Variants in PCDH15 observed in about 807,000 individuals in gnomAD.
PCDH15 encodes protocadherin related 15.
Under a neutral mutation model 178.5 loss-of-function variants are expected in PCDH15, and 129 were observed. The ratio of observed to expected loss-of-function variants is 0.72; its 90% confidence interval spans 0.63 to 0.84. PCDH15 has a LOEUF of 0.84. PCDH15 is among the 40% of genes least tolerant of loss of function. The pLI, the probability that PCDH15 is intolerant of heterozygous loss-of-function variation, is 0.00. For missense variants in PCDH15, 2,230 were observed against 2,099.9 expected, an observed-to-expected ratio of 1.06 and a Z score of -1.21; for synonymous variants, 800 against 732.0, an observed-to-expected ratio of 1.09 and a Z score of -1.50.
Position 54,837,535 on chromosome 10 carries a change from T to TA in PCDH15, c.-29+59914dup, listed in dbSNP as rs148584412. On this transcript the variant is annotated intron_variant, in intron 3 of 5. Transcript: ENST00000458638. The stretch of plus-strand genomic sequence containing the variant: ...TAATTGTTGTAAACTGTTACTTTTT[T>TA]AAAAAAATAAAGTGATTTATAAAAT... 3.7e-3 allele frequency among the ~76,000 whole-genome samples: 564 copies of TA among 152,262 alleles called. 1 individual carries two copies. The highest frequency in any genetic ancestry group is 0.013 in the African/African-American group (535 of 41,558).
chr10:55,161,105 T>C (rs1839053120), intron 2 of PCDH15, among the ~76,000 whole-genome samples: 1 of 152,122 alleles, frequency 6.6e-6, no homozygotes, highest in South Asian at 2.1e-4. Flanking sequence ...GAAGAGTATG[T>C]GATTCACTTT....
intron 2 of PCDH15, among the ~76,000 whole-genome samples, chr10:54,577,842 CTAAATAAATGAATAAA>C (rs771505019): frequency 0.14 from 20,834 of 144,730 alleles, 1,662 homozygotes; most frequent in Non-Finnish European, 0.17. Flanking sequence ...CTGTTTAAGC[CTAAATAAATGAATAAA>C]TAAATAAATA....
At chr10:53,921,118 A>G (rs1394744405) in intron 25 of PCDH15, among the ~76,000 whole-genome samples, 2 of 152,160 alleles carry the variant, frequency 1.3e-5, no homozygotes, top group African/African-American at 4.8e-5. Context: ...AGTTCTTGCA[A>G]TATGTCATTA....
At chr10:55,583,626 GT>G in intron 2 of PCDH15, among the ~76,000 whole-genome samples, 1 of 152,136 alleles carries the variant, frequency 6.6e-6, no homozygotes, top group African/African-American at 2.4e-5. Flanking sequence ...TAGAGACAGA[GT>G]TTTGCCATGT....
chr10:55,449,846 G>C (rs1246016616), intron 2 of PCDH15, among the ~76,000 whole-genome samples: 3 of 151,946 alleles, frequency 2.0e-5, no homozygotes, highest in African/African-American at 7.3e-5. Flanking sequence ...GACAGTAAGT[G>C]TTCAGTTGTG....
At chr10:54,227,626 G>C (rs1202107049) in intron 9 of PCDH15, among the ~76,000 whole-genome samples, 1 of 152,174 alleles carries the variant, frequency 6.6e-6, no homozygotes. Flanking sequence ...TCTGCAGCCA[G>C]CTTGAATTTC....
intron 1 of PCDH15, among the ~76,000 whole-genome samples, chr10:54,741,737 T>C (rs1944835571): frequency 6.6e-6 from 1 of 152,008 alleles, no homozygotes; most frequent in African/African-American, 2.4e-5. Flanking sequence ...CTTCTATCTT[T>C]AAAACCAGCA....
chr10:54,317,792 A>AAATT (rs2061370891), intron 7 of PCDH15, among the ~76,000 whole-genome samples: 1 of 152,064 alleles, frequency 6.6e-6, no homozygotes, highest in African/African-American at 2.4e-5. Context: ...AACAAAAAAG[A>AAATT]AATTAGGCAC....
intron 1 of PCDH15, among the ~76,000 whole-genome samples, chr10:55,316,775 T>A (rs1309020302): frequency 6.6e-6 from 1 of 152,202 alleles, no homozygotes; most frequent in African/African-American, 2.4e-5. Flanking sequence ...TTCATAATGT[T>A]ATTTTGAAAT....
At chr10:55,129,392 T>A (rs1837985895) in intron 2 of PCDH15, among the ~76,000 whole-genome samples, 1 of 152,110 alleles carries the variant, frequency 6.6e-6, no homozygotes, top group African/African-American at 2.4e-5. Context: ...GCTGAGAACT[T>A]TCTATGGCAA....
At chr10:54,415,963 T>C (rs753252555) in intron 3 of PCDH15, among the ~76,000 whole-genome samples, 2 of 151,866 alleles carry the variant, frequency 1.3e-5, no homozygotes, top group Non-Finnish European at 2.9e-5. Context: ...TTTTAAAAAA[T>C]CGACTTTTTT....
intron 2 of PCDH15, among the ~76,000 whole-genome samples, chr10:55,528,495 T>G (rs1434038757): frequency 6.6e-6 from 1 of 152,030 alleles, no homozygotes; most frequent in Non-Finnish European, 1.5e-5. Context: ...TTTGCCCTTG[T>G]GATAGTTTGC....
intron 3 of PCDH15, among the ~76,000 whole-genome samples, chr10:54,853,283 A>ATGTGTG (rs770984436): frequency 1.7e-4 from 13 of 75,112 alleles, no homozygotes; most frequent in African/African-American, 5.5e-4. Flanking sequence ...ATGTGTATGT[A>ATGTGTG]TGTGTGTATA....
chr10:53,888,310 G>GTATATATGTACGTATATATATGTACGTA (rs1221791628), intron 26 of PCDH15, among the ~76,000 whole-genome samples: 1 of 28,710 alleles, frequency 3.5e-5, no homozygotes, highest in Admixed American at 5.6e-4. Context: ...ATATATATAT[G>GTATATATGTACGTATATATATGTACGTA]TATATATGTA....
chr10:55,601,864 T>TAC (rs775541528), intron 2 of PCDH15, among the ~76,000 whole-genome samples: 5 of 151,940 alleles, frequency 3.3e-5, no homozygotes, highest in African/African-American at 1.2e-4. Context: ...AGTTATAAAA[T>TAC]ACACACACAC....
At chr10:54,202,861 T>A (rs953845743) in intron 10 of PCDH15, among the ~76,000 whole-genome samples, 3 of 151,536 alleles carry the variant, frequency 2.0e-5, no homozygotes, top group Non-Finnish European at 2.9e-5. Context: ...CCACAAAGAT[T>A]CTCGTTCATA....
At chr10:55,327,275 T>C (rs942945687) in intron 2 of PCDH15, among the ~76,000 whole-genome samples, 1 of 152,124 alleles carries the variant, frequency 6.6e-6, no homozygotes, top group Non-Finnish European at 1.5e-5. Context: ...GCCTTGATGA[T>C]GAACTTCCGA....
At chr10:54,324,459 C>G (rs2061808184) in intron 7 of PCDH15, among the ~76,000 whole-genome samples, 1 of 152,054 alleles carries the variant, frequency 6.6e-6, no homozygotes, top group Non-Finnish European at 1.5e-5. Context: ...ATTATTCTTG[C>G]CATGATTCTA....
intron 1 of PCDH15, among the ~76,000 whole-genome samples, chr10:55,189,697 CT>C (rs368952092): frequency 1.3e-5 from 2 of 151,618 alleles, no homozygotes; most frequent in African/African-American, 2.4e-5. Context: ...GTTTCTTTTT[CT>C]TTTTTTGCAA....
Sources: gnomAD v4.1 joint callset for allele counts (sites outside exome capture counted in the v4.1 genomes callset) on GRCh38, gnomAD v4.1.1 for gene constraint, MANE v1.5 for transcripts, NCBI Gene and HGNC (gene_info 2026-07-23, HGNC 2026-07-21) for gene names.